SEPHS1: variants seen among roughly 807,000 people sequenced by gnomAD.
The protein encoded by SEPHS1 is selenophosphate synthetase 1.
SEPHS1 carries 7 observed loss-of-function variants against 39.2 expected under a neutral mutation model. The ratio of observed to expected loss-of-function variants is 0.18; its 90% CI spans 0.10 to 0.34. The LOEUF (loss-of-function observed/expected upper bound fraction) is 0.34. SEPHS1 is among the 10% of genes least tolerant of loss of function. The probability of loss-of-function intolerance (pLI) is 1.00; values close to 1 mark genes in which losing one functional copy is unlikely to be tolerated. For synonymous variants in SEPHS1, 190 were observed against 195.5 expected, an observed-to-expected ratio of 0.97 and a Z score of 0.23; for missense variants, 253 against 514.5, an observed-to-expected ratio of 0.49 and a Z score of 4.92.
intron 7 of SEPHS1, 129 bp downstream of exon 7, chr10:13,328,222 G>A (rs532574284): frequency 4.3e-5 from 27 of 630,200 alleles, no homozygotes; most frequent in African/African-American, 3.9e-4. Flanking sequence ...CTGGTACCAG[G>A]AGAAGACGGT....
At chr10:13,323,130 C>A in intron 7 of SEPHS1, 83 bp from the exon 8 acceptor site, 2 of 1,074,964 alleles carry the variant, frequency 1.9e-6, no homozygotes. Flanking sequence ...TCTGCAACTT[C>A]CTTACTTGTC....
intron 5 of SEPHS1, among the ~76,000 whole-genome samples, chr10:13,330,560 G>A (rs1391010156): frequency 6.6e-6 from 1 of 152,068 alleles, no homozygotes; most frequent in South Asian, 2.1e-4. Flanking sequence ...TGTGCCTTTC[G>A]CAGCTTCAGC....
intron 4 of SEPHS1, among the ~76,000 whole-genome samples, chr10:13,334,709 T>C (rs1447619074): frequency 6.6e-6 from 1 of 152,124 alleles, no homozygotes; most frequent in Non-Finnish European, 1.5e-5. Flanking sequence ...GGAGATCTTG[T>C]CTCAAAAACA....
At chr10:13,323,180 AATC>A in intron 7 of SEPHS1, 133 bp from the exon 8 acceptor site, 2 of 739,934 alleles carry the variant, frequency 2.7e-6, no homozygotes, top group Non-Finnish European at 4.5e-6. Context: ...CGCAATGTAA[AATC>A]AACCAAAGAC....
At chr10:13,326,607 G>A (rs1833302425) in intron 7 of SEPHS1, among the ~76,000 whole-genome samples, 2 of 150,822 alleles carry the variant, frequency 1.3e-5, no homozygotes, top group African/African-American at 4.9e-5. Context: ...AAGCGTAGGG[G>A]TATGATCACC....
chr10:13,345,141 T>C, intron 1 of SEPHS1, 113 bp from the exon 2 acceptor site: 1 of 453,196 alleles, frequency 2.2e-6, no homozygotes. Context: ...GCTGAAATCA[T>C]CAAGACCACT....
intron 8 of SEPHS1, among the ~76,000 whole-genome samples, chr10:13,321,663 A>G (rs17153104): frequency 0.095 from 14,486 of 152,282 alleles, 2,248 homozygotes; most frequent in African/African-American, 0.33. Context: ...AAAGATGAAA[A>G]CAGTAAAGGT....
At chr10:13,339,993 C>T (rs1833741992) in intron 2 of SEPHS1, among the ~76,000 whole-genome samples, 1 of 152,150 alleles carries the variant, frequency 6.6e-6, no homozygotes, top group African/African-American at 2.4e-5. Flanking sequence ...GGGAAAAAGC[C>T]AGAATTAGGA....
At chr10:13,338,227 C>T (rs910130272) in intron 3 of SEPHS1, among the ~76,000 whole-genome samples, 2 of 152,106 alleles carry the variant, frequency 1.3e-5, no homozygotes, top group Admixed American at 6.6e-5. Context: ...ACCAGATATC[C>T]GAATTAATGT....
intron 1 of SEPHS1, among the ~76,000 whole-genome samples, chr10:13,346,618 G>A (rs7901671): frequency 7.7e-4 from 114 of 147,798 alleles, no homozygotes; most frequent in Non-Finnish European, 1.0e-3. Context: ...TTATGGGAAA[G>A]TTTGAATACC....
intron 5 of SEPHS1, among the ~76,000 whole-genome samples, chr10:13,330,302 C>T (rs1227623265): frequency 5.3e-5 from 8 of 151,956 alleles, no homozygotes; most frequent in Admixed American, 6.6e-5. Flanking sequence ...ACGGATTTTT[C>T]GGCCCAGGGG....
At chr10:13,332,858 A>G (rs1476692804) in intron 5 of SEPHS1, among the ~76,000 whole-genome samples, 1 of 151,912 alleles carries the variant, frequency 6.6e-6, no homozygotes, top group Non-Finnish European at 1.5e-5. Flanking sequence ...AAAAAAACAA[A>G]AACACCTAAA....
chr10:13,336,188 A>C, intron 4 of SEPHS1, 55 bp downstream of exon 4: 4 of 1,265,942 alleles, frequency 3.2e-6, no homozygotes, highest in Non-Finnish European at 4.6e-6. Context: ...AACCAAGGCC[A>C]GAGATGCCAC....
Position 13,328,226 on chromosome 10 carries a change from A to C in SEPHS1, c.751+125T>G, listed in dbSNP as rs1833361687. Reference sequence around the variant, plus strand: ...GGAATGCCAACCTGGTACCAGGAGAAGACGGTCTGTAGTCACTGGCCAAAA... The same window carrying C: ...GGAATGCCAACCTGGTACCAGGAGACGACGGTCTGTAGTCACTGGCCAAAA... On this transcript the variant is annotated intron_variant, in intron 7 of 8. Transcript: ENST00000327347. 7.8e-5 allele frequency: 50 copies of C among 639,006 alleles called. No homozygotes were observed. In the South Asian group the frequency reaches 9.9e-4, roughly 13 times the overall value. 39.6% of individuals were successfully genotyped at this position (639,006 alleles called of 1,614,324 possible).
chr10:13,347,642 GGCCGCTCCCGCCGCGCGCACGGGCC>G (rs1833966198), intron 1 of SEPHS1, among the ~76,000 whole-genome samples: 1 of 147,178 alleles, frequency 6.8e-6, no homozygotes, highest in South Asian at 2.1e-4. Flanking sequence ...ACCCCAGGCC[GGCCGCTCCCGCCGCGCGCACGGGCC>G]GCCGCCGCCG....
At chr10:13,336,505 G>T in intron 3 of SEPHS1, 155 bp from the exon 4 acceptor site, 1 of 660,514 alleles carries the variant, frequency 1.5e-6, no homozygotes, top group South Asian at 1.7e-5. Context: ...TTTGCAGACT[G>T]GCAACCTTTC....
chr10:13,333,786 G>T, intron 5 of SEPHS1, 31 bp downstream of exon 5: 1 of 1,607,518 alleles, frequency 6.2e-7, no homozygotes, highest in Non-Finnish European at 8.5e-7. Flanking sequence ...AGAAAAACAG[G>T]TCAGGTGATA....
intron 8 of SEPHS1, among the ~76,000 whole-genome samples, chr10:13,320,939 C>A (rs1833092443): frequency 6.6e-6 from 1 of 152,216 alleles, no homozygotes; most frequent in Non-Finnish European, 1.5e-5. Context: ...CAGACACTGT[C>A]CTGGCCAGAG....
chr10:13,329,247 T>C (rs1833397138), intron 6 of SEPHS1, among the ~76,000 whole-genome samples: 1 of 152,232 alleles, frequency 6.6e-6, no homozygotes, highest in Admixed American at 6.5e-5. Context: ...TGTTCTGAGT[T>C]ACTCATCAGT....
Sources: gnomAD v4.1 joint callset for allele counts (sites outside exome capture counted in the v4.1 genomes callset) on GRCh38, gnomAD v4.1.1 for gene constraint, MANE v1.5 for transcripts, NCBI Gene and HGNC (gene_info 2026-07-23, HGNC 2026-07-21) for gene names.